The following ARMC8 variants were observed in gnomAD, a reference collection of about 807,000 sequenced individuals.
ARMC8 encodes armadillo repeat-containing protein 8.
A neutral mutation model predicts 99.3 loss-of-function variants in ARMC8; 20 were observed. That is an observed-to-expected ratio of 0.20 (90% CI 0.14 to 0.29). The LOEUF (loss-of-function observed/expected upper bound fraction) is 0.29. Ranked by LOEUF, ARMC8 falls within the 10% of genes least tolerant of loss-of-function variation. The probability of loss-of-function intolerance (pLI) is 1.00; values close to 1 mark genes in which losing one functional copy is unlikely to be tolerated. For missense variants in ARMC8, 569 were observed against 809.5 expected (o/e 0.70, Z 3.60); for synonymous variants, 263 against 278.3 (o/e 0.95, Z 0.55).
At chr3:138,266,867 C>T (rs1424666698) in intron 14 of ARMC8, among the ~76,000 whole-genome samples, 1 of 152,188 alleles carries the variant, frequency 6.6e-6, no homozygotes, top group Non-Finnish European at 1.5e-5. Flanking sequence ...GGCCTTCAAG[C>T]ATTTCACATA....
In ARMC8 at chr3:138,191,895, C is replaced by T. The variant is rs141042150; in HGVS notation, c.45+4296C>T. ...GTGGATGTACCACAGCTCGTTTAAC[C>T]ATTTACCTGTTGGGCGTTTTGGTTG... On this transcript the variant is annotated intron_variant, in intron 1 of 21. Coordinates refer to ENST00000469044, the MANE Select transcript of ARMC8 (RefSeq NM_001363941.2). 1.3e-3 allele frequency among the ~76,000 whole-genome samples: 200 copies of T among 152,214 alleles called. No homozygotes were observed. In the Middle Eastern group the frequency reaches 0.014, roughly 10 times the overall value.
chr3:138,264,456 G>T (rs2048067590), intron 14 of ARMC8, among the ~76,000 whole-genome samples: 1 of 104,984 alleles, frequency 9.5e-6, no homozygotes, highest in African/African-American at 3.8e-5. Flanking sequence ...GTCTAGCTCT[G>T]TCACCCAGGC....
At chr3:138,210,433 A>G (rs1334041495) in intron 2 of ARMC8, among the ~76,000 whole-genome samples, 1 of 152,154 alleles carries the variant, frequency 6.6e-6, no homozygotes, top group Non-Finnish European at 1.5e-5. Flanking sequence ...AACATACCAG[A>G]GGTAATTATG....
At chr3:138,195,284 CAAA>C (rs945623878) in intron 1 of ARMC8, among the ~76,000 whole-genome samples, 6 of 55,296 alleles carry the variant, frequency 1.1e-4, no homozygotes, top group Non-Finnish European at 1.1e-4. Flanking sequence ...GACTCCGTCT[CAAA>C]AAAAAAAAAA....
intron 15 of ARMC8, among the ~76,000 whole-genome samples, chr3:138,268,951 T>A (rs181098235): frequency 1.9e-3 from 284 of 152,292 alleles, no homozygotes; most frequent in South Asian, 3.9e-3. Context: ...ACTATGGTTA[T>A]CTAAGATAAT....
chr3:138,224,194 G>A (rs1321172881), intron 5 of ARMC8, among the ~76,000 whole-genome samples: 1 of 151,382 alleles, frequency 6.6e-6, no homozygotes, highest in African/African-American at 2.4e-5. Flanking sequence ...TCCTGACCTT[G>A]TGATCCACCC....
At chr3:138,271,185 G>C (rs2048754425) in intron 16 of ARMC8, among the ~76,000 whole-genome samples, 1 of 152,166 alleles carries the variant, frequency 6.6e-6, no homozygotes, top group South Asian at 2.1e-4. Context: ...TAGTTTCACA[G>C]ATATTTTTCT....
At chr3:138,246,272 A>G in intron 12 of ARMC8, 1 of 985,834 alleles carries the variant, frequency 1.0e-6, no homozygotes, top group East Asian at 1.1e-4. Context: ...GAATGTTTCC[A>G]TGTACCTCAC....
intron 6 of ARMC8, among the ~76,000 whole-genome samples, chr3:138,233,690 G>T (rs2046181631): frequency 6.6e-6 from 1 of 152,206 alleles, no homozygotes; most frequent in African/African-American, 2.4e-5. Context: ...CAAATGATGG[G>T]TGTTTTGGCT....
intron 12 of ARMC8, among the ~76,000 whole-genome samples, chr3:138,252,966 G>T (rs1485708323): frequency 6.6e-6 from 1 of 151,876 alleles, no homozygotes; most frequent in East Asian, 1.9e-4. Flanking sequence ...TGATTCCCTT[G>T]TTTGAATGAT....
chr3:138,265,241 C>A (rs2048166494), intron 14 of ARMC8, among the ~76,000 whole-genome samples: 1 of 152,072 alleles, frequency 6.6e-6, no homozygotes, highest in Non-Finnish European at 1.5e-5. Flanking sequence ...TAGGTCTTCT[C>A]TTCAGGCCCC....
At chr3:138,187,746 G>A in intron 1 of ARMC8, 147 bp downstream of exon 1, 2 of 869,266 alleles carry the variant, frequency 2.3e-6, no homozygotes, top group Non-Finnish European at 3.5e-6. Flanking sequence ...AGCGAGGGTG[G>A]AGAGGCGGGA....
intron 12 of ARMC8, among the ~76,000 whole-genome samples, chr3:138,258,321 C>T (rs1216524549): frequency 2.6e-5 from 4 of 152,092 alleles, no homozygotes; most frequent in Non-Finnish European, 4.4e-5. Flanking sequence ...TGTTTCATCC[C>T]GAATAAAGCT....
chr3:138,253,147 C>G (rs755276794), intron 12 of ARMC8, among the ~76,000 whole-genome samples: 1 of 151,992 alleles, frequency 6.6e-6, no homozygotes, highest in South Asian at 2.1e-4. Context: ...ATATATTAAG[C>G]CTTTGCTAAA....
At chr3:138,288,514 T>C (rs2108376659) in intron 19 of ARMC8, among the ~76,000 whole-genome samples, 1 of 152,328 alleles carries the variant, frequency 6.6e-6, no homozygotes, top group East Asian at 1.9e-4. Context: ...TGGCAAGGCT[T>C]GTACTCCTCA....
chr3:138,246,822 A>G, intron 12 of ARMC8: 2 of 969,736 alleles, frequency 2.1e-6, no homozygotes, highest in Non-Finnish European at 2.5e-6. Flanking sequence ...ATTTCCTGGT[A>G]AGGCTAACTC....
chr3:138,190,644 G>A (rs759067681), intron 1 of ARMC8, among the ~76,000 whole-genome samples: 8 of 152,118 alleles, frequency 5.3e-5, no homozygotes, highest in Non-Finnish European at 1.2e-4. Flanking sequence ...GCTTTCTCAG[G>A]TTAGAGTGAT....
At chr3:138,260,989 A>G (rs1403788318) in intron 12 of ARMC8, among the ~76,000 whole-genome samples, 1 of 152,256 alleles carries the variant, frequency 6.6e-6, no homozygotes, top group Non-Finnish European at 1.5e-5. Flanking sequence ...TCTTTCAGGC[A>G]TAAGCATCTA....
chr3:138,278,248 C>T (rs1461053812), intron 18 of ARMC8, among the ~76,000 whole-genome samples: 2 of 151,992 alleles, frequency 1.3e-5, no homozygotes, highest in East Asian at 1.9e-4. Context: ...TGGCTCACAC[C>T]GTGATCCCAG....
Sources: gnomAD v4.1 joint callset for allele counts (sites outside exome capture counted in the v4.1 genomes callset) on GRCh38, gnomAD v4.1.1 for gene constraint, MANE v1.5 for transcripts, NCBI Gene and HGNC (gene_info 2026-07-23, HGNC 2026-07-21) for gene names.